The following CSMD1 variants were observed in gnomAD, a reference collection of about 807,000 sequenced individuals.
CSMD1 encodes the protein CUB and Sushi multiple domains 1.
CSMD1 carries 213 observed loss-of-function variants against 417.5 expected under a neutral mutation model. That is an observed-to-expected ratio of 0.51 (90% CI 0.46 to 0.57). The LOEUF is 0.57. CSMD1 is among the 20% of genes least tolerant of loss of function. The pLI is 0.00. For synonymous variants in CSMD1, 2,862 were observed against 1,736.8 expected, an observed-to-expected ratio of 1.65 and a Z score of -16.11; for missense variants, 6,923 against 4,529.7, an observed-to-expected ratio of 1.53 and a Z score of -15.17.
In CSMD1 at chr8:3,523,343, C is replaced by T. The variant is rs75686486; in HGVS notation, c.1345-29617G>A. Among the ~76,000 whole-genome samples the T allele has an allele frequency of 6.4e-3, 980 of 152,322 alleles. 19 individuals are homozygous for T. In the South Asian group the frequency reaches 0.067, roughly 10 times the overall value. On this transcript the variant is annotated intron_variant, in intron 10 of 69. Coordinates refer to ENST00000635120, the MANE Select transcript of CSMD1 (RefSeq NM_033225.6). ...ATTATTTTGTTCTATTGTGGCAACA[C>T]AGTGTCATTCTGAGATTACGTGAGA... is the stretch of plus-strand genomic sequence containing the variant.
At chr8:3,211,298 G>C (rs1413605160) in intron 30 of CSMD1, among the ~76,000 whole-genome samples, 1 of 152,164 alleles carries the variant, frequency 6.6e-6, no homozygotes, top group African/African-American at 2.4e-5. Flanking sequence ...TCCTGCCTTA[G>C]TCTCTCAAAG....
At chr8:4,017,497 G>A (rs947768892) in intron 4 of CSMD1, among the ~76,000 whole-genome samples, 5 of 151,978 alleles carry the variant, frequency 3.3e-5, no homozygotes, top group Admixed American at 2.0e-4. Flanking sequence ...GTAGAGACGG[G>A]GTTTCTCCAT....
At chr8:4,924,424 A>C (rs975050301) in intron 1 of CSMD1, among the ~76,000 whole-genome samples, 1 of 152,218 alleles carries the variant, frequency 6.6e-6, no homozygotes, top group Non-Finnish European at 1.5e-5. Context: ...AATAGTAAAC[A>C]TAAGTATAAA....
At chr8:4,375,081 T>A (rs551875851) in intron 3 of CSMD1, among the ~76,000 whole-genome samples, 242 of 151,914 alleles carry the variant, frequency 1.6e-3, no homozygotes, top group African/African-American at 5.6e-3. Flanking sequence ...TGATGAATAT[T>A]TCCAGGCATG....
At chr8:3,673,046 G>A (rs1226183813) in intron 7 of CSMD1, among the ~76,000 whole-genome samples, 1 of 152,174 alleles carries the variant, frequency 6.6e-6, no homozygotes, top group African/African-American at 2.4e-5. Flanking sequence ...TAGAAAGTGA[G>A]CATTTAGCGG....
intron 5 of CSMD1, among the ~76,000 whole-genome samples, chr8:3,799,650 C>A (rs905723412): frequency 2.6e-5 from 4 of 151,898 alleles, no homozygotes; most frequent in Admixed American, 1.3e-4. Flanking sequence ...TTGCAGAAAA[C>A]AAGTTATGTA....
At chr8:4,435,531 C>G (rs1391857538) in intron 2 of CSMD1, among the ~76,000 whole-genome samples, 1 of 152,156 alleles carries the variant, frequency 6.6e-6, no homozygotes, top group Non-Finnish European at 1.5e-5. Flanking sequence ...AACTGCCTGC[C>G]TCCTTCAACA....
Position 3,745,668 on chromosome 8 carries a change from C to T in CSMD1, c.931+8262G>A, listed in dbSNP as rs143801852. Among the ~76,000 whole-genome samples the T allele has an allele frequency of 1.2e-4, 18 of 152,258 alleles. No homozygotes were observed. In the East Asian group the frequency reaches 1.7e-3, roughly 15 times the overall value. ...TCTTTTCACAAGGGGCATGAATCCC[C>T]GGGGAAGTCAGGCAGCTGCTGGAGT... is the stretch of plus-strand genomic sequence containing the variant. On this transcript the variant is annotated intron_variant, in intron 6 of 69. Coordinates refer to ENST00000635120, the MANE Select transcript of CSMD1 (RefSeq NM_033225.6).
At chr8:3,436,622 A>G (rs1043786558) in intron 12 of CSMD1, among the ~76,000 whole-genome samples, 1 of 152,340 alleles carries the variant, frequency 6.6e-6, no homozygotes, top group Non-Finnish European at 1.5e-5. Flanking sequence ...TAAACATCAC[A>G]CCAACATAGT....
At chr8:4,780,923 T>C (rs1797121733) in intron 1 of CSMD1, among the ~76,000 whole-genome samples, 1 of 152,248 alleles carries the variant, frequency 6.6e-6, no homozygotes. Flanking sequence ...AATTATTTTT[T>C]AAAAGCATAA....
rs151321555 is a variant in CSMD1, at chr8:3,269,164, A to G, written c.4153+14980T>C. Among the ~76,000 whole-genome samples, 875 of 152,348 alleles carry G rather than the reference A, an allele frequency of 5.7e-3. 4 individuals carry two copies. The highest frequency in any genetic ancestry group is 0.02 in the African/African-American group (836 of 41,588). On this transcript the variant is annotated intron_variant, in intron 26 of 69. Transcript: ENST00000635120. Reference sequence around the variant, plus strand: ...AATCAATTCAACACGCATTCTTCGTATCTGTGTCATGGACCAGGTGTCCAC... The same window carrying G: ...AATCAATTCAACACGCATTCTTCGTGTCTGTGTCATGGACCAGGTGTCCAC...
At chr8:4,363,412 C>A (rs1801889422) in intron 3 of CSMD1, among the ~76,000 whole-genome samples, 1 of 152,148 alleles carries the variant, frequency 6.6e-6, no homozygotes, top group African/African-American at 2.4e-5. Context: ...ATGTTCTGGC[C>A]TCCAGGATTT....
At chr8:3,758,431 T>G (rs1326686394) in intron 5 of CSMD1, among the ~76,000 whole-genome samples, 2 of 152,190 alleles carry the variant, frequency 1.3e-5, no homozygotes, top group Non-Finnish European at 2.9e-5. Context: ...TAGACTTTTG[T>G]TGTTTGTTTG....
intron 25 of CSMD1, among the ~76,000 whole-genome samples, chr8:3,292,635 G>T (rs1372197669): frequency 6.6e-6 from 1 of 152,126 alleles, no homozygotes; most frequent in Non-Finnish European, 1.5e-5. Context: ...TTTTATCAGA[G>T]ACTAGGATGG....
At chr8:3,820,359 T>C (rs1005043617) in intron 5 of CSMD1, among the ~76,000 whole-genome samples, 7 of 152,138 alleles carry the variant, frequency 4.6e-5, no homozygotes, top group African/African-American at 1.4e-4. Context: ...AACTGGGATA[T>C]ATGGTGTTTG....
intron 1 of CSMD1, among the ~76,000 whole-genome samples, chr8:4,872,851 G>C (rs1358889350): frequency 4.6e-5 from 7 of 152,092 alleles, no homozygotes; most frequent in African/African-American, 1.7e-4. Context: ...TTGAACACTT[G>C]CTGGATATTG....
At chr8:3,096,754 G>T (rs1383283943) in intron 47 of CSMD1, 95 bp downstream of exon 47, 13 of 858,308 alleles carry the variant, frequency 1.5e-5, no homozygotes, top group South Asian at 1.9e-5. Context: ...GTTAACTCAA[G>T]AATATATTCC....
At chr8:3,392,874 A>G (rs1403263615) in intron 17 of CSMD1, among the ~76,000 whole-genome samples, 7 of 152,152 alleles carry the variant, frequency 4.6e-5, no homozygotes, top group Non-Finnish European at 1.0e-4. Flanking sequence ...AATAGCAACC[A>G]GAACATCTGA....
chr8:4,023,229 G>A (rs999652402), intron 4 of CSMD1, among the ~76,000 whole-genome samples: 1 of 152,124 alleles, frequency 6.6e-6, no homozygotes, highest in African/African-American at 2.4e-5. Context: ...TGTGAAAGGT[G>A]GCCATCTCCA....
Sources: gnomAD v4.1 joint callset for allele counts (sites outside exome capture counted in the v4.1 genomes callset) on GRCh38, gnomAD v4.1.1 for gene constraint, MANE v1.5 for transcripts, NCBI Gene and HGNC (gene_info 2026-07-23, HGNC 2026-07-21) for gene names.